The following TBC1D22A variants were observed in gnomAD, a reference collection of about 807,000 sequenced individuals.
TBC1D22A encodes the protein TBC1 domain family member 22A.
In TBC1D22A, 38 loss-of-function variants were observed where a neutral mutation model predicts 60.2. The ratio of observed to expected loss-of-function variants is 0.63; its 90% CI spans 0.49 to 0.83. The LOEUF (loss-of-function observed/expected upper bound fraction) is 0.83, where lower values mean the gene tolerates loss of function less well. TBC1D22A is among the 40% of genes least tolerant of loss of function. The pLI, the probability that TBC1D22A is intolerant of heterozygous loss-of-function variation, is 0.00. For missense variants in TBC1D22A, 628 were observed against 701.0 expected, an observed-to-expected ratio of 0.90 and a Z score of 1.18; for synonymous variants, 302 against 281.7, an observed-to-expected ratio of 1.07 and a Z score of -0.72.
intron 4 of TBC1D22A, among the ~76,000 whole-genome samples, chr22:46,856,423 GCTGA>G (rs1343120631): frequency 2.6e-5 from 4 of 152,192 alleles, no homozygotes; most frequent in African/African-American, 4.8e-5. Flanking sequence ...AGTATAAGAG[GCTGA>G]CTGAGTCCAA....
rs1012153730 is a variant in TBC1D22A, at chr22:47,028,859, C to T, written c.1202-8212C>T. ...CTGTTTGTCCCCAAATGTGGGACAC[C>T]ACCGCACGATCCTGACACTAACATC... On this transcript the variant is annotated intron_variant, in intron 10 of 12. Coordinates refer to ENST00000337137, the MANE Select transcript of TBC1D22A (RefSeq NM_014346.5). This position sits in a 1 kb window ranked among gnomAD's most constrained non-coding sequence, Gnocchi z 4.4. 1.3e-5 allele frequency among the ~76,000 whole-genome samples: 2 copies of T among 152,172 alleles called. No homozygotes were observed. Among genetic ancestry groups the T allele is most frequent in the African/African-American group, 4.8e-5 (2 of 41,430 alleles).
intron 6 of TBC1D22A, among the ~76,000 whole-genome samples, chr22:46,893,552 AC>A (rs1362017122): frequency 1.3e-5 from 2 of 152,200 alleles, no homozygotes; most frequent in African/African-American, 4.8e-5. Flanking sequence ...GGTGGCTCAG[AC>A]CTGGTTCCTG....
At chr22:47,023,000 A>T (rs2148345675) in intron 10 of TBC1D22A, among the ~76,000 whole-genome samples, 1 of 152,396 alleles carries the variant, frequency 6.6e-6, no homozygotes, top group Non-Finnish European at 1.5e-5. Flanking sequence ...TCAGCCATGC[A>T]CAGAAATGGA....
chr22:46,870,973 C>T (rs1369051413), intron 4 of TBC1D22A, among the ~76,000 whole-genome samples: 1 of 152,040 alleles, frequency 6.6e-6, no homozygotes, highest in East Asian at 1.9e-4. Flanking sequence ...ATAACAAAAG[C>T]CAGACACACA....
intron 1 of TBC1D22A, among the ~76,000 whole-genome samples, chr22:46,787,870 A>T (rs1245654351): frequency 6.7e-6 from 1 of 148,468 alleles, no homozygotes; most frequent in East Asian, 2.0e-4. Flanking sequence ...GTTATTCCTT[A>T]TGTCCTATAT....
At chr22:47,000,594 C>T (rs1041090435) in intron 10 of TBC1D22A, among the ~76,000 whole-genome samples, 2 of 152,098 alleles carry the variant, frequency 1.3e-5, no homozygotes, top group Admixed American at 6.5e-5. Flanking sequence ...GGGAGTAAAG[C>T]GACAGGCAAG....
chr22:47,173,832 A>C lies in TBC1D22A; in HGVS notation c.*206A>C. The C allele has an allele frequency of 5.0e-6, 4 of 803,626 alleles. No homozygotes were observed. Among genetic ancestry groups the C allele is most frequent in the South Asian group, 1.9e-5 (1 of 52,690 alleles). The allele number at this position is 803,626 out of a possible 1,614,324, so 49.8% of individuals were successfully genotyped here. A position where few individuals can be genotyped will look rare whatever the true frequency, so the allele number is the denominator to read the frequency against. ...ACAGCCTTTGTTTTCTGAGATACCA[A>C]AGAGAGCCAGGGGAGGGCCCCGGGT... On this transcript the variant is annotated 3_prime_UTR_variant, in exon 13 of 13. Coordinates refer to ENST00000337137, the MANE Select transcript of TBC1D22A (RefSeq NM_014346.5).
chr22:46,902,965 G>GTCTATCTC (rs2069113849), intron 7 of TBC1D22A, among the ~76,000 whole-genome samples: 1 of 151,038 alleles, frequency 6.6e-6, no homozygotes, highest in Non-Finnish European at 1.5e-5. Context: ...GAAAGAATTG[G>GTCTATCTC]AGAAGACAGC....
At chr22:46,919,766 T>C (rs1475649188) in intron 8 of TBC1D22A, among the ~76,000 whole-genome samples, 1 of 151,604 alleles carries the variant, frequency 6.6e-6, no homozygotes, top group Non-Finnish European at 1.5e-5. Flanking sequence ...CTGAATCTTA[T>C]ATTAATTTAA....
At chr22:47,012,443 T>G (rs1450577260) in intron 10 of TBC1D22A, among the ~76,000 whole-genome samples, 1 of 152,116 alleles carries the variant, frequency 6.6e-6, no homozygotes, top group Non-Finnish European at 1.5e-5. Flanking sequence ...AGGGGATTAT[T>G]GTCAGGCCCC....
intron 4 of TBC1D22A, among the ~76,000 whole-genome samples, chr22:46,820,444 C>T (rs144904201): frequency 0.013 from 2,055 of 152,276 alleles, 49 homozygotes; most frequent in African/African-American, 0.047. Flanking sequence ...TCTTTGTTCT[C>T]ACTGGTTTCA....
At chr22:47,004,090 C>T (rs988607699) in intron 10 of TBC1D22A, among the ~76,000 whole-genome samples, 1 of 150,106 alleles carries the variant, frequency 6.7e-6, no homozygotes, top group South Asian at 2.1e-4. Context: ...TACACACACA[C>T]CCTCATATAC....
chr22:47,098,902 A>C (rs2065296240), intron 11 of TBC1D22A, among the ~76,000 whole-genome samples: 1 of 152,120 alleles, frequency 6.6e-6, no homozygotes, highest in African/African-American at 2.4e-5. Flanking sequence ...GGGTCTCTGG[A>C]GAGCCTGCAG....
rs188069031 is a variant in TBC1D22A at position 46,987,080 on chromosome 22, G to T, written c.1126-10554G>T. ...CAGACCTCTTGCTGGATGGTACAAGGCTCCCAGTGAGACTCTGTCCTCAAA... is the reference window on the plus strand; with the variant it reads ...CAGACCTCTTGCTGGATGGTACAAGTCTCCCAGTGAGACTCTGTCCTCAAA... On this transcript the variant is annotated intron_variant, in intron 9 of 12. Coordinates refer to ENST00000337137, the MANE Select transcript of TBC1D22A (RefSeq NM_014346.5). Among the ~76,000 whole-genome samples, 20 of 152,286 alleles carry T rather than the reference G, an allele frequency of 1.3e-4. No homozygotes were observed. The East Asian group carries it at 3.9e-3, about 29-fold the overall frequency.
chr22:46,879,730 C>T (rs1463197340), intron 5 of TBC1D22A, among the ~76,000 whole-genome samples: 2 of 152,178 alleles, frequency 1.3e-5, no homozygotes, highest in Non-Finnish European at 2.9e-5. Flanking sequence ...TTGCAGACTT[C>T]TCAGGTTGGT....
intron 4 of TBC1D22A, among the ~76,000 whole-genome samples, chr22:46,840,037 T>C (rs528643912): frequency 6.6e-6 from 1 of 152,328 alleles, no homozygotes; most frequent in African/African-American, 2.4e-5. Context: ...ATTGTTCTGC[T>C]CAGTGCCTTT....
intron 4 of TBC1D22A, among the ~76,000 whole-genome samples, chr22:46,798,994 C>CTT (rs2084782734): frequency 6.6e-6 from 1 of 151,894 alleles, no homozygotes; most frequent in Non-Finnish European, 1.5e-5. Context: ...GGACACAGCT[C>CTT]TGAGTAGAGT....
intron 10 of TBC1D22A, among the ~76,000 whole-genome samples, chr22:47,016,272 G>A (rs2061909185): frequency 6.6e-6 from 1 of 152,140 alleles, no homozygotes; most frequent in African/African-American, 2.4e-5. Context: ...GACCTGTCAG[G>A]CAGCCTGGCA....
At chr22:46,963,718 G>T (rs1162038815) in intron 8 of TBC1D22A, among the ~76,000 whole-genome samples, 1 of 152,244 alleles carries the variant, frequency 6.6e-6, no homozygotes, top group Non-Finnish European at 1.5e-5. Context: ...TCTTTGGGCT[G>T]AGCAGGCTCT....
Sources: allele counts gnomAD v4.1 joint callset (sites outside exome capture counted in the v4.1 genomes callset), GRCh38; gene constraint gnomAD v4.1.1; non-coding constraint Gnocchi (gnomAD v3.1); transcripts MANE v1.5; gene names NCBI Gene and HGNC (gene_info 2026-07-23, HGNC 2026-07-21).